Variants in SYNPR observed in about 807,000 individuals in gnomAD.
SYNPR encodes synaptoporin.
Under a neutral mutation model 32.9 loss-of-function variants are expected in SYNPR, and 23 were observed. That is an observed-to-expected ratio of 0.70 (90% CI 0.50 to 0.99). SYNPR has a LOEUF of 0.99. SYNPR is among the 50% of genes least tolerant of loss of function. The probability of loss-of-function intolerance (pLI) is 0.00; values close to 1 mark genes in which losing one functional copy is unlikely to be tolerated. For missense variants in SYNPR, 318 were observed against 349.3 expected (o/e 0.91, Z 0.71); for synonymous variants, 146 against 135.9 (o/e 1.07, Z -0.52).
At chr3:63,572,288 C>T (rs1290508309) in intron 4 of SYNPR, among the ~76,000 whole-genome samples, 5 of 152,018 alleles carry the variant, frequency 3.3e-5, no homozygotes, top group Non-Finnish European at 7.4e-5. Flanking sequence ...TCTCCTCCTC[C>T]TCCTCCTCCT....
the SYNPR span, among the ~76,000 whole-genome samples, chr3:63,208,038 CACACACAA>C: frequency 7.0e-6 from 1 of 142,328 alleles, no homozygotes; most frequent in East Asian, 2.0e-4. Flanking sequence ...CGTGCAAACA[CACACACAA>C]ACACACACAC....
At chr3:63,520,422 C>T (rs886725154) in intron 3 of SYNPR, among the ~76,000 whole-genome samples, 1 of 152,124 alleles carries the variant, frequency 6.6e-6, no homozygotes, top group African/African-American at 2.4e-5. Flanking sequence ...CGCCTGTAAT[C>T]CCAGCACTTT....
At chr3:63,480,414 G>T (rs1701022776) in intron 2 of SYNPR, among the ~76,000 whole-genome samples, 1 of 152,086 alleles carries the variant, frequency 6.6e-6, no homozygotes, top group Admixed American at 6.6e-5. Flanking sequence ...TCATATTATG[G>T]TAGAAAATAA....
chr3:63,337,232 C>CAAA (rs67376099), intron 2 of SYNPR, among the ~76,000 whole-genome samples: 110 of 55,342 alleles, frequency 2.0e-3, no homozygotes, highest in African/African-American at 3.6e-3. Context: ...ACTCTGTCTC[C>CAAA]AAAAAAAAAA....
intron 2 of SYNPR, among the ~76,000 whole-genome samples, chr3:63,344,589 G>A (rs1202202125): frequency 8.9e-5 from 12 of 134,834 alleles, no homozygotes; most frequent in African/African-American, 3.3e-4. Flanking sequence ...AATAAGAGTA[G>A]TTAGTGTGTA....
In SYNPR at chr3:63,606,933, CAT is replaced by C. The variant is rs1381770827; in HGVS notation, c.409-2188_409-2187del. Among the ~76,000 whole-genome samples, 4 of 152,044 alleles carry C rather than the reference CAT, an allele frequency of 2.6e-5. No homozygotes were observed. The East Asian group carries it at 7.7e-4, about 29-fold the overall frequency. On this transcript the variant is annotated intron_variant, in intron 4 of 5. Transcript: ENST00000478300. ...GTTGTCAGGATTAAATGAGTCAAAA[CAT>C]ATAAACTTGGAATAATACTTGACAC...
intron 2 of SYNPR, among the ~76,000 whole-genome samples, chr3:63,373,518 G>C (rs1176475805): frequency 2.0e-5 from 3 of 152,082 alleles, no homozygotes; most frequent in Non-Finnish European, 2.9e-5. Flanking sequence ...AACTCAGTCA[G>C]AGAAAAATAA....
At chr3:63,523,188 A>G (rs1359159953) in intron 3 of SYNPR, among the ~76,000 whole-genome samples, 2 of 152,092 alleles carry the variant, frequency 1.3e-5, no homozygotes, top group African/African-American at 4.8e-5. Context: ...TCACTGACTG[A>G]GCTGGAGGCT....
intron 1 of SYNPR, among the ~76,000 whole-genome samples, chr3:63,238,299 C>A (rs2086214005): frequency 2.0e-5 from 3 of 151,912 alleles, no homozygotes; most frequent in African/African-American, 4.8e-5. Flanking sequence ...CAGAAATGAA[C>A]CTATTTCATT....
intron 3 of SYNPR, 55 bp from the exon 4 acceptor site, chr3:63,556,488 T>A: frequency 6.8e-7 from 1 of 1,478,416 alleles, no homozygotes; most frequent in South Asian, 1.3e-5. Context: ...ACACAAGTCA[T>A]GTATTTTTGT....
intron 2 of SYNPR, among the ~76,000 whole-genome samples, chr3:63,408,533 T>C (rs1242860756): frequency 6.6e-6 from 1 of 151,982 alleles, no homozygotes. Context: ...GAGCTGATAG[T>C]GTAATTTTCA....
intron 2 of SYNPR, among the ~76,000 whole-genome samples, chr3:63,378,575 G>T (rs1394655545): frequency 6.6e-6 from 1 of 151,920 alleles, no homozygotes; most frequent in East Asian, 1.9e-4. Flanking sequence ...TTGAAATTGG[G>T]TAAACTGATT....
At chr3:63,557,860 A>G (rs1410624959) in intron 4 of SYNPR, among the ~76,000 whole-genome samples, 1 of 152,210 alleles carries the variant, frequency 6.6e-6, no homozygotes, top group Non-Finnish European at 1.5e-5. Flanking sequence ...AATGTTTATC[A>G]AAAAAAGTAT....
At chr3:63,280,495 A>C (rs1327006344) in intron 2 of SYNPR, among the ~76,000 whole-genome samples, 1 of 151,408 alleles carries the variant, frequency 6.6e-6, no homozygotes, top group African/African-American at 2.4e-5. Context: ...ACTGTATGGA[A>C]TGTCCTCACC....
chr3:63,210,799 T>C, the SYNPR span, among the ~76,000 whole-genome samples: 1,669 of 12,148 alleles, frequency 0.14, 33 homozygotes, highest in African/African-American at 0.29. Flanking sequence ...TTTCCTCCCT[T>C]CCTTCCTTCC....
the SYNPR span, among the ~76,000 whole-genome samples, chr3:63,206,454 G>T: frequency 6.6e-6 from 1 of 152,106 alleles, no homozygotes; most frequent in Non-Finnish European, 1.5e-5. Flanking sequence ...CCAGCTACTT[G>T]GGAGGCTGGG....
At chr3:63,558,599 A>T (rs765358237) in intron 4 of SYNPR, among the ~76,000 whole-genome samples, 57 of 152,214 alleles carry the variant, frequency 3.7e-4, no homozygotes, top group Non-Finnish European at 6.6e-4. Context: ...CGGCCTCCCA[A>T]AGTGCTGAGA....
intron 2 of SYNPR, among the ~76,000 whole-genome samples, chr3:63,426,169 A>T (rs574556043): frequency 1.3e-5 from 2 of 152,328 alleles, no homozygotes; most frequent in South Asian, 4.1e-4. Context: ...GTGGATGAAG[A>T]TGATAAGGCT....
chr3:63,524,850 T>TGTGTGC (rs1405963400), intron 3 of SYNPR, among the ~76,000 whole-genome samples: 4 of 124,344 alleles, frequency 3.2e-5, no homozygotes, highest in African/African-American at 1.2e-4. Flanking sequence ...TGTGTGTGTG[T>TGTGTGC]GCATGTGTGT....
Sources: allele counts gnomAD v4.1 joint callset (sites outside exome capture counted in the v4.1 genomes callset), GRCh38; gene constraint gnomAD v4.1.1; transcripts MANE v1.5; gene names NCBI Gene and HGNC (gene_info 2026-07-23, HGNC 2026-07-21).